DLC1: variants seen among roughly 807,000 people sequenced by gnomAD.
The protein encoded by DLC1 is DLC1 Rho GTPase activating protein.
Under a neutral mutation model 140.3 loss-of-function variants are expected in DLC1, and 54 were observed. The observed-to-expected ratio is 0.38, with a 90% CI of 0.31 to 0.48. DLC1 has a LOEUF of 0.48. Among genes scored for constraint, DLC1 ranks in the 20% least tolerant of loss-of-function variants. The pLI is 0.96. For synonymous variants in DLC1, 986 were observed against 728.1 expected, an observed-to-expected ratio of 1.35 and a Z score of -5.70; for missense variants, 2,536 against 1,907.0, an observed-to-expected ratio of 1.33 and a Z score of -6.14.
At chr8:13,248,298 A>C (rs1021669190) in intron 5 of DLC1, among the ~76,000 whole-genome samples, 15 of 152,116 alleles carry the variant, frequency 9.9e-5, no homozygotes, top group African/African-American at 3.6e-4. Flanking sequence ...GTCCTATTGG[A>C]GACTTGGCTT....
chr8:13,234,243 T>C (rs1319716148), intron 5 of DLC1, among the ~76,000 whole-genome samples: 1 of 152,146 alleles, frequency 6.6e-6, no homozygotes, highest in Non-Finnish European at 1.5e-5. Flanking sequence ...CAAGTCAAGA[T>C]AGATCTTTGG....
chr8:13,325,320 C>T (rs375860418), intron 4 of DLC1, among the ~76,000 whole-genome samples: 2 of 152,200 alleles, frequency 1.3e-5, no homozygotes, highest in East Asian at 1.9e-4. Context: ...GATTATTTCA[C>T]GGACGGCAAA....
chr8:13,139,288 C>CA (rs67684524), intron 5 of DLC1, among the ~76,000 whole-genome samples: 1,010 of 49,268 alleles, frequency 0.021, 54 homozygotes, highest in Middle Eastern at 0.067. Flanking sequence ...GACCCTGTCT[C>CA]AAAAAAAAAA....
rs926856995 is a variant in DLC1, at chr8:13,563,474, G to A, written c.-126+41063C>T. 2.0e-5 allele frequency among the ~76,000 whole-genome samples: 3 copies of A among 152,132 alleles called. No individual in the cohort carries two copies. The East Asian group carries it at 5.8e-4, about 29-fold the overall frequency. Reference sequence around the variant, plus strand: ...TTTTAAAAAATCATGAGTGATGTAAGATTCTTTCCTCCAGAAAGAATCAGC... The same window carrying A: ...TTTTAAAAAATCATGAGTGATGTAAAATTCTTTCCTCCAGAAAGAATCAGC... On this transcript the variant is annotated intron_variant, in intron 1 of 1. Transcript: ENST00000631382.
intron 5 of DLC1, among the ~76,000 whole-genome samples, chr8:13,177,354 C>T (rs1038122150): frequency 6.6e-6 from 1 of 152,096 alleles, no homozygotes; most frequent in Admixed American, 6.6e-5. Context: ...TTTTCTATGT[C>T]ATCTATTTAC....
intron 1 of DLC1, among the ~76,000 whole-genome samples, chr8:13,522,523 G>A (rs1802796899): frequency 6.6e-6 from 1 of 152,004 alleles, no homozygotes; most frequent in Admixed American, 6.6e-5. Flanking sequence ...TACTCGGGTG[G>A]CTGAGGCAGG....
intron 5 of DLC1, among the ~76,000 whole-genome samples, chr8:13,148,661 T>TTTG (rs201284340): frequency 7.2e-5 from 11 of 152,028 alleles, no homozygotes. Flanking sequence ...GAGGGTTGTT[T>TTTG]TTGTTGTTGT....
chr8:13,117,560 A>G (rs560298058), intron 5 of DLC1, among the ~76,000 whole-genome samples: 13 of 152,374 alleles, frequency 8.5e-5, no homozygotes, highest in African/African-American at 2.9e-4. Context: ...GAAAGAAAAA[A>G]GGCTGTTTGT....
intron 2 of DLC1, among the ~76,000 whole-genome samples, chr8:13,493,990 A>G (rs1801382377): frequency 6.6e-6 from 1 of 152,210 alleles, no homozygotes; most frequent in South Asian, 2.1e-4. Flanking sequence ...TTTTCCAGAG[A>G]TGTAAAGTAC....
At position 13,437,095 on chromosome 8, in the gene DLC1, C is replaced by G. The variant is rs962800592; in HGVS notation, c.1024-35476G>C. On this transcript the variant is annotated intron_variant, in intron 2 of 17. Transcript: ENST00000276297. The stretch of plus-strand genomic sequence containing the variant: ...GCCCAATGAACTTCTACTTTCTCCT[C>G]AATATTTACGTAGTTCCTACCTCTT... Among the ~76,000 whole-genome samples, 10 of 152,212 alleles carry G rather than the reference C, an allele frequency of 6.6e-5. No homozygotes were observed. In the East Asian group the frequency reaches 1.5e-3, roughly 23 times the overall value.
chr8:13,205,528 G>C lies in DLC1; in HGVS notation c.1349-89871C>G, dbSNP rs535327367. ...ATAAGGGCGGGGGGCCCAAACTTTT[G>C]GTTTCCCTGGGCCACATTGGAAGAA... On this transcript the variant is annotated intron_variant, in intron 5 of 17. Coordinates refer to ENST00000276297, the MANE Select transcript of DLC1 (RefSeq NM_182643.3). 4.7e-4 allele frequency among the ~76,000 whole-genome samples: 71 copies of C among 152,058 alleles called. 1 individual carries two copies. In the South Asian group the frequency reaches 0.014, roughly 31 times the overall value.
intron 4 of DLC1, among the ~76,000 whole-genome samples, chr8:13,309,290 A>C (rs970360710): frequency 3.3e-5 from 5 of 152,168 alleles, no homozygotes; most frequent in Admixed American, 3.3e-4. Context: ...AATGACTTCC[A>C]AATGAAAGGG....
chr8:13,188,795 G>GTATATATATATATATATATATA (rs1826539830), intron 5 of DLC1, among the ~76,000 whole-genome samples: 1 of 79,494 alleles, frequency 1.3e-5, no homozygotes, highest in Non-Finnish European at 2.5e-5. Context: ...GTGTGTGTGT[G>GTATATATATATATATATATATA]TGTGTGTATA....
intron 1 of DLC1, among the ~76,000 whole-genome samples, chr8:13,553,718 A>G (rs191803037): frequency 2.8e-4 from 42 of 151,824 alleles, no homozygotes; most frequent in Admixed American, 9.8e-4. Context: ...TATTGTCTTC[A>G]TTTTCTGTCT....
chr8:13,148,728 C>T (rs568303016), intron 5 of DLC1, among the ~76,000 whole-genome samples: 2 of 152,286 alleles, frequency 1.3e-5, no homozygotes, highest in South Asian at 4.1e-4. Context: ...GCTCTCCCTT[C>T]TCATTCTTCT....
At chr8:13,146,487 C>G (rs1823449501) in intron 5 of DLC1, among the ~76,000 whole-genome samples, 1 of 151,520 alleles carries the variant, frequency 6.6e-6, no homozygotes, top group Admixed American at 6.6e-5. Context: ...GAAATAATCA[C>G]CAAATTGGCC....
At chr8:13,101,153 C>A (rs1365336535) in intron 8 of DLC1, among the ~76,000 whole-genome samples, 2 of 152,180 alleles carry the variant, frequency 1.3e-5, no homozygotes, top group Non-Finnish European at 2.9e-5. Flanking sequence ...TCAAGCGATC[C>A]TCCCACGTGG....
In DLC1 at chr8:13,499,514, A is replaced by G; in HGVS notation, c.558T>C (p.Ser186=). The part of the protein sequence containing the change: ...KESGERKVTD[S]ISKSLELCNE... ...TGCAAAGCTCCAGGCTTTTACTTAT[A>G]GAGTCAGTAACTTTTCTCTCCCCAC... Residue 186 remains serine (S), a synonymous_variant, in exon 2 of 18, where the codon TCT becomes TCC. Coordinates refer to ENST00000276297, the MANE Select transcript of DLC1 (RefSeq NM_182643.3). 1 of 1,614,142 alleles carries G rather than the reference A, an allele frequency of 6.2e-7. No individual in the cohort carries two copies. Among genetic ancestry groups the G allele is most frequent in the Non-Finnish European group, 8.5e-7 (1 of 1,180,016 alleles).
At chr8:13,360,343 C>G (rs1235887235) in intron 4 of DLC1, among the ~76,000 whole-genome samples, 1 of 152,178 alleles carries the variant, frequency 6.6e-6, no homozygotes, top group Non-Finnish European at 1.5e-5. Flanking sequence ...TGCAAACCAA[C>G]TGAAATCAGA....
Sources: gnomAD v4.1 joint callset for allele counts (sites outside exome capture counted in the v4.1 genomes callset) on GRCh38, gnomAD v4.1.1 for gene constraint, MANE v1.5 for transcripts, NCBI Gene and HGNC (gene_info 2026-07-23, HGNC 2026-07-21) for gene names.